The following CCN4 variants were observed in gnomAD, a reference collection of about 807,000 sequenced individuals.
CCN4 encodes the protein CCN family member 4.
Under a neutral mutation model 36.7 loss-of-function variants are expected in CCN4, and 30 were observed. The ratio of observed to expected loss-of-function variants is 0.82; its 90% confidence interval spans 0.61 to 1.11. CCN4 has a LOEUF of 1.11. CCN4 is among the 50% of genes least tolerant of loss of function. The pLI, the probability that CCN4 is intolerant of heterozygous loss-of-function variation, is 0.00. For missense variants in CCN4, 505 were observed against 504.9 expected, an observed-to-expected ratio of 1.00 and a Z score of 0.00; for synonymous variants, 191 against 195.4, an observed-to-expected ratio of 0.98 and a Z score of 0.19.
intron 1 of CCN4, among the ~76,000 whole-genome samples, chr8:133,210,386 G>C (rs1158456237): frequency 6.9e-6 from 1 of 145,588 alleles, no homozygotes; most frequent in African/African-American, 2.6e-5. Context: ...CAAAAAGAGG[G>C]GTGTGTGTGT....
At chr8:133,226,550 C>T (rs1352757908) in intron 4 of CCN4, among the ~76,000 whole-genome samples, 1 of 152,136 alleles carries the variant, frequency 6.6e-6, no homozygotes, top group Non-Finnish European at 1.5e-5. Context: ...GTAAGCATTC[C>T]ATAGACATCT....
At chr8:133,209,926 A>T (rs192318821) in intron 1 of CCN4, among the ~76,000 whole-genome samples, 414 of 152,328 alleles carry the variant, frequency 2.7e-3, no homozygotes, top group African/African-American at 9.7e-3. Flanking sequence ...AGGCTCAGAA[A>T]GATGAAGATG....
chr8:133,198,545 C>T (rs573624234), intron 1 of CCN4, among the ~76,000 whole-genome samples: 17 of 152,326 alleles, frequency 1.1e-4, no homozygotes, highest in African/African-American at 4.1e-4. Flanking sequence ...GCCTTGCTGT[C>T]AAATACTCCT....
intron 2 of CCN4, among the ~76,000 whole-genome samples, chr8:133,214,365 G>A (rs1350246074): frequency 1.3e-5 from 2 of 151,508 alleles, no homozygotes; most frequent in African/African-American, 4.9e-5. Flanking sequence ...TTATGACCAG[G>A]TAAATATTGT....
chr8:133,220,615 G>A lies in CCN4; in HGVS notation c.384G>A (p.Val128=), dbSNP rs199896562. The A allele has an allele frequency of 3.1e-6, 5 of 1,614,176 alleles. No homozygotes were observed. The African/African-American group carries it at 5.3e-5, about 17-fold the overall frequency. ...GTGTGGGCTGCGTCCTGGATGGGGTGCGCTACAACAACGGCCAGTCCTTCC... is the reference window on the plus strand; with the variant it reads ...GTGTGGGCTGCGTCCTGGATGGGGTACGCTACAACAACGGCCAGTCCTTCC... ...VVGVGCVLDG[V]RYNNGQSFQP... The change falls in exon 3 of 5, where the codon GTG becomes GTA. Residue 128 remains valine, a synonymous_variant. Coordinates refer to ENST00000250160, the MANE Select transcript of CCN4 (RefSeq NM_003882.4).
In CCN4 at chr8:133,225,407, G is replaced by A; in HGVS notation, c.628G>A (p.Glu210Lys). 1.2e-6 allele frequency: 2 copies of A among 1,603,734 alleles called. No individual in the cohort carries two copies. The highest frequency in any genetic ancestry group is 1.7e-6 in the Non-Finnish European group (2 of 1,172,834). ...ACACACAGATGCTGTGGGTGAGGTG[G>A]AGGCATGGCACAGGAACTGCATAGC... Reference protein sequence around the residue: ...TGAFDAVGEVEAWHRNCIAYT... With the variant: ...TGAFDAVGEVKAWHRNCIAYT... Residue 210 changes from glutamate (E) to lysine (K), a missense_variant, in exon 4 of 5, where the codon GAG becomes AAG. By Grantham distance (56) the Glu-to-Lys change is moderately conservative (BLOSUM62 1). Coordinates refer to ENST00000250160, the MANE Select transcript of CCN4 (RefSeq NM_003882.4).
In CCN4 at chr8:133,228,181, G is replaced by A. The variant is rs551626384; in HGVS notation, c.*471G>A. ...AGGTACTGTAATGGGTAATTCTGAC[G>A]TCAGCGCACCAAAACTATCCTGATT... On this transcript the variant is annotated 3_prime_UTR_variant, in exon 5 of 5. Transcript: ENST00000250160. The A allele has an allele frequency of 2.9e-4, 45 of 155,326 alleles. No homozygotes were observed. Among genetic ancestry groups the A allele is most frequent in the Middle Eastern group, 3.3e-3 (1 of 306 alleles). The allele number at this position is 155,326 out of a possible 1,614,324, so 9.6% of individuals were successfully genotyped here.
chr8:133,214,583 T>G (rs1232733593), intron 2 of CCN4, among the ~76,000 whole-genome samples: 1 of 152,120 alleles, frequency 6.6e-6, no homozygotes, highest in African/African-American at 2.4e-5. Flanking sequence ...ATTCTATCCT[T>G]TTTTGTTCCA....
At position 133,230,345 on chromosome 8, in the gene CCN4, T is replaced by C. The variant is rs1298624616; in HGVS notation, c.*2635T>C. The C allele has an allele frequency of 6.6e-6, 1 of 152,188 alleles. No individual in the cohort carries two copies. Among genetic ancestry groups the C allele is most frequent in the Admixed American group, 6.5e-5 (1 of 15,284 alleles). The allele number at this position is 152,188 out of a possible 1,614,324, so 9.4% of individuals were successfully genotyped here. A position where few individuals can be genotyped will look rare whatever the true frequency, so the allele number is the denominator to read the frequency against. ...GAATAATAAATATAATGGAAAAAAATCTCCACTGATTGAGTGTTTACTTGG... is the reference window on the plus strand; with the variant it reads ...GAATAATAAATATAATGGAAAAAAACCTCCACTGATTGAGTGTTTACTTGG... On this transcript the variant is annotated 3_prime_UTR_variant, in exon 5 of 5. Transcript: ENST00000250160.
chr8:133,197,415 A>G (rs1853429156), intron 1 of CCN4, among the ~76,000 whole-genome samples: 1 of 151,998 alleles, frequency 6.6e-6, no homozygotes, highest in African/African-American at 2.4e-5. Flanking sequence ...CTGAACCAGA[A>G]TTCCTAGAAA....
intron 1 of CCN4, among the ~76,000 whole-genome samples, chr8:133,207,131 A>G (rs1378913509): frequency 3.9e-5 from 6 of 152,088 alleles, no homozygotes; most frequent in Non-Finnish European, 7.4e-5. Flanking sequence ...TTCTAAGATG[A>G]CTCACAGCGT....
At chr8:133,197,029 A>G (rs559192800) in intron 1 of CCN4, among the ~76,000 whole-genome samples, 1 of 152,282 alleles carries the variant, frequency 6.6e-6, no homozygotes, top group East Asian at 1.9e-4. Flanking sequence ...TGGCACATTT[A>G]GAGGGTCAGT....
At chr8:133,222,391 T>A (rs1014250268) in intron 3 of CCN4, among the ~76,000 whole-genome samples, 1 of 149,728 alleles carries the variant, frequency 6.7e-6, no homozygotes, top group Non-Finnish European at 1.5e-5. Flanking sequence ...GGAGATCTAC[T>A]CTGTTTGAAA....
At chr8:133,205,195 C>A (rs937484097) in intron 1 of CCN4, among the ~76,000 whole-genome samples, 1 of 152,202 alleles carries the variant, frequency 6.6e-6, no homozygotes, top group East Asian at 1.9e-4. Flanking sequence ...GGGCATCTTG[C>A]CAGCAGAAGC....
At chr8:133,212,391 G>GTAAT in intron 1 of CCN4, among the ~76,000 whole-genome samples, 1 of 152,028 alleles carries the variant, frequency 6.6e-6, no homozygotes, top group Admixed American at 6.6e-5. Flanking sequence ...GGAGTCCTCT[G>GTAAT]ACTCAGAGAG....
Position 133,191,052 on chromosome 8 carries a change from C to T in CCN4, c.-93C>T. ...TGCGGAAGAGGCATATCTGGTGCTC[C>T]TGATGGGCCGGCCAGTCTGGGCCCA... On this transcript the variant is annotated 5_prime_UTR_variant, in exon 1 of 5. Transcript: ENST00000250160. 3 of 1,398,316 alleles carry T rather than the reference C, an allele frequency of 2.1e-6. No individual in the cohort carries two copies. The highest frequency in any genetic ancestry group is 3.0e-6 in the Non-Finnish European group (3 of 1,006,536). 86.6% of individuals were successfully genotyped at this position (1,398,316 alleles called of 1,614,324 possible). A position where few individuals can be genotyped will look rare whatever the true frequency, so the allele number is the denominator to read the frequency against.
chr8:133,206,237 C>T (rs1287221343), intron 1 of CCN4, among the ~76,000 whole-genome samples: 1 of 152,210 alleles, frequency 6.6e-6, no homozygotes, highest in Admixed American at 6.5e-5. Context: ...AGACCAACCA[C>T]TCAAGGTCAA....
chr8:133,195,408 G>A (rs573025288), intron 1 of CCN4, among the ~76,000 whole-genome samples: 4 of 152,110 alleles, frequency 2.6e-5, no homozygotes, highest in African/African-American at 9.7e-5. Context: ...TGTGGGTCAA[G>A]TGTATGGCAA....
Position 133,191,101 on chromosome 8 carries a change from C to A in CCN4, c.-44C>A. The A allele has an allele frequency of 6.2e-7, 1 of 1,600,480 alleles. No homozygotes were observed. ...CAGCTCCCCCGAGAGGTGGTCGGATCCTCTGGGCTGCTCGGTCGATGCCTG... is the reference window on the plus strand; with the variant it reads ...CAGCTCCCCCGAGAGGTGGTCGGATACTCTGGGCTGCTCGGTCGATGCCTG... On this transcript the variant is annotated 5_prime_UTR_variant, in exon 1 of 5. Transcript: ENST00000250160.
Sources: gnomAD v4.1 joint callset for allele counts (sites outside exome capture counted in the v4.1 genomes callset) on GRCh38, gnomAD v4.1.1 for gene constraint, MANE v1.5 for transcripts, NCBI Gene and HGNC (gene_info 2026-07-23, HGNC 2026-07-21) for gene names.